The following GCNT4 variants were observed in gnomAD, a reference collection of about 807,000 sequenced individuals.
The protein encoded by GCNT4 is beta-1,3-galactosyl-O-glycosyl-glycoprotein beta-1,6-N-acetylglucosaminyltransferase 4.
GCNT4 carries 17 observed loss-of-function variants against 31.3 expected under a neutral mutation model. The observed-to-expected ratio is 0.54, with a 90% CI of 0.37 to 0.81. GCNT4 has a LOEUF of 0.81. Ranked by LOEUF, GCNT4 falls within the 40% of genes least tolerant of loss-of-function variation. The probability of loss-of-function intolerance (pLI) is 0.00; values close to 1 mark genes in which losing one functional copy is unlikely to be tolerated. For missense variants in GCNT4, 503 were observed against 525.5 expected (o/e 0.96, Z 0.42); for synonymous variants, 158 against 190.6 (o/e 0.83, Z 1.41).
Position 75,029,428 on chromosome 5 carries a change from G to T in GCNT4, c.610C>A (p.Gln204Lys), listed in dbSNP as rs777165883. 3 of 1,614,070 alleles carry T rather than the reference G, an allele frequency of 1.9e-6. No individual in the cohort carries two copies. Among genetic ancestry groups the T allele is most frequent in the East Asian group, 2.2e-5 (1 of 44,874 alleles). Residue 204 changes from glutamine to lysine, a missense_variant, in exon 4 of 4, where the codon CAG becomes AAG. Gln to Lys is a moderately conservative substitution (Grantham distance 53). Transcript: ENST00000652361. ...TCCGACAAGCAATTTAAATCAGCCT[G>T]GAGTCTGGAAATGTGGGCATATTCC... ...AVEYAHISRL[Q>K]ADLNCLSDLL...
rs1320319455 is a variant in GCNT4, at chr5:75,027,454, T to C, written c.*1222A>G. ...ATATAAAATATATATTATATATATA[T>C]ATTTTTGACTCATTGGGTGGTTTTC... On this transcript the variant is annotated 3_prime_UTR_variant, in exon 4 of 4. Coordinates refer to ENST00000652361, the MANE Select transcript of GCNT4 (RefSeq NM_001366737.1). 6.9e-6 allele frequency: 1 copy of C among 145,326 alleles called. No individual in the cohort carries two copies. 9.0% of individuals were successfully genotyped at this position (145,326 alleles called of 1,614,324 possible). A position where few individuals can be genotyped will look rare whatever the true frequency, so the allele number is the denominator to read the frequency against.
chr5:75,025,343 G>T (rs1260854960), downstream of GCNT4: 1 of 152,240 alleles, frequency 6.6e-6, no homozygotes. Context: ...TAAAGTCCAA[G>T]GGTTTGGGTT....
intron 3 of GCNT4, among the ~76,000 whole-genome samples, chr5:75,042,544 C>T (rs991043541): frequency 1.4e-4 from 21 of 152,166 alleles, no homozygotes; most frequent in African/African-American, 4.8e-4. Context: ...CCATGTCCAT[C>T]GCAGAGGCAG....
chr5:75,053,340 G>A (rs1435085353), upstream of GCNT4, among the ~76,000 whole-genome samples: 1 of 152,058 alleles, frequency 6.6e-6, no homozygotes, highest in African/African-American at 2.4e-5. Flanking sequence ...GCTCCGAGAG[G>A]GCGCCCCCGC....
intron 2 of GCNT4, among the ~76,000 whole-genome samples, chr5:75,048,796 T>C (rs772190572): frequency 6.6e-6 from 1 of 152,096 alleles, no homozygotes; most frequent in Non-Finnish European, 1.5e-5. Context: ...TAGTAACTGA[T>C]AGAAGTTAAG....
intron 3 of GCNT4, among the ~76,000 whole-genome samples, chr5:75,031,516 A>G (rs1743061387): frequency 1.3e-5 from 2 of 152,204 alleles, no homozygotes; most frequent in Non-Finnish European, 2.9e-5. Context: ...CTGAGTTCCA[A>G]TAATACTTTA....
chr5:75,048,845 G>A (rs1743504678), intron 2 of GCNT4, among the ~76,000 whole-genome samples: 1 of 152,168 alleles, frequency 6.6e-6, no homozygotes, highest in Non-Finnish European at 1.5e-5. Flanking sequence ...GACGGACCTG[G>A]AAAGGTTAAA....
chr5:75,053,511 T>A (rs1295464298), upstream of GCNT4, among the ~76,000 whole-genome samples: 1 of 152,044 alleles, frequency 6.6e-6, no homozygotes, highest in African/African-American at 2.4e-5. Context: ...CCAAGTCGAC[T>A]TACGAGAGGG....
downstream of GCNT4, among the ~76,000 whole-genome samples, chr5:75,024,261 G>A (rs1742915911): frequency 1.3e-5 from 2 of 152,050 alleles, no homozygotes; most frequent in South Asian, 2.1e-4. Flanking sequence ...ACCACCACTG[G>A]CACCAAAAAA....
At chr5:75,018,918 CGA>C in the GCNT4 span, among the ~76,000 whole-genome samples, 1 of 152,044 alleles carries the variant, frequency 6.6e-6, no homozygotes, top group South Asian at 2.1e-4. Context: ...GGGAGGATGA[CGA>C]GAGAGAGGAA....
intron 3 of GCNT4, among the ~76,000 whole-genome samples, chr5:75,034,165 A>G (rs554600971): frequency 1.6e-4 from 25 of 152,310 alleles, no homozygotes; most frequent in South Asian, 8.3e-4. Context: ...GGTGGGCACT[A>G]ATAGTGAGGG....
intron 2 of GCNT4, among the ~76,000 whole-genome samples, chr5:75,050,645 C>T (rs1000942915): frequency 1.3e-5 from 2 of 152,160 alleles, no homozygotes; most frequent in African/African-American, 4.8e-5. Context: ...CCAAACTTGT[C>T]TTTCCTCCTC....
downstream of GCNT4, among the ~76,000 whole-genome samples, chr5:75,021,980 G>A (rs1224265938): frequency 1.3e-5 from 2 of 152,140 alleles, no homozygotes; most frequent in Non-Finnish European, 2.9e-5. Flanking sequence ...TCCTGAGTAT[G>A]TAAACTCTAT....
At chr5:75,041,572 G>T (rs1743319638) in intron 3 of GCNT4, among the ~76,000 whole-genome samples, 1 of 152,076 alleles carries the variant, frequency 6.6e-6, no homozygotes, top group African/African-American at 2.4e-5. Context: ...CTCACATTTG[G>T]GCAGAAATAA....
At chr5:75,040,914 A>G (rs1473662970) in intron 3 of GCNT4, among the ~76,000 whole-genome samples, 2 of 148,996 alleles carry the variant, frequency 1.3e-5, no homozygotes, top group African/African-American at 5.1e-5. Flanking sequence ...GGATTTTGAG[A>G]GACAGGAAGA....
intron 3 of GCNT4, among the ~76,000 whole-genome samples, chr5:75,037,023 T>A (rs542004875): frequency 6.6e-6 from 1 of 152,328 alleles, no homozygotes; most frequent in African/African-American, 2.4e-5. Context: ...GTTTGAGAAA[T>A]AGGATATGAA....
chr5:75,053,542 G>A (rs187177008), upstream of GCNT4, among the ~76,000 whole-genome samples: 4 of 152,122 alleles, frequency 2.6e-5, no homozygotes, highest in African/African-American at 9.7e-5. Flanking sequence ...CCCCGAACGC[G>A]GGGTCCGTGC....
the GCNT4 span, among the ~76,000 whole-genome samples, chr5:75,020,280 A>C: frequency 2.0e-5 from 3 of 152,164 alleles, no homozygotes; most frequent in Non-Finnish European, 4.4e-5. Context: ...ATGGCACGGC[A>C]CGGCATGGCA....
At chr5:75,034,371 G>C (rs936270961) in intron 3 of GCNT4, among the ~76,000 whole-genome samples, 1 of 152,224 alleles carries the variant, frequency 6.6e-6, no homozygotes, top group African/African-American at 2.4e-5. Context: ...TAGAGGCCCC[G>C]GGCCTGGAGG....
Sources: gnomAD v4.1 joint callset for allele counts (sites outside exome capture counted in the v4.1 genomes callset) on GRCh38, gnomAD v4.1.1 for gene constraint, MANE v1.5 for transcripts, NCBI Gene and HGNC (gene_info 2026-07-23, HGNC 2026-07-21) for gene names.